The following LRRC8C variants were observed in gnomAD, a reference collection of about 807,000 sequenced individuals.
The protein encoded by LRRC8C is volume-regulated anion channel subunit LRRC8C.
A neutral mutation model predicts 55.3 loss-of-function variants in LRRC8C; 20 were observed. The ratio of observed to expected loss-of-function variants is 0.36; its 90% CI spans 0.25 to 0.53. The LOEUF (loss-of-function observed/expected upper bound fraction) is 0.53, where lower values mean the gene tolerates loss of function less well. Among genes scored for constraint, LRRC8C ranks in the 20% least tolerant of loss-of-function variants. LRRC8C has a pLI of 0.92. For synonymous variants in LRRC8C, 376 were observed against 360.7 expected (o/e 1.04, Z -0.48); for missense variants, 659 against 951.4 (o/e 0.69, Z 4.04).
rs552292686 is a variant in LRRC8C at position 89,638,660 on chromosome 1, C to T, written c.-5+5338C>T. On this transcript the variant is annotated intron_variant, in intron 1 of 2. Coordinates refer to ENST00000370454, the MANE Select transcript of LRRC8C (RefSeq NM_032270.5). Reference sequence around the variant, plus strand: ...TAAATTACTTTTTTTGCAAATAAAACATACTTTATTGACCCTTCAGCTGAA... The same window carrying T: ...TAAATTACTTTTTTTGCAAATAAAATATACTTTATTGACCCTTCAGCTGAA... 4.6e-5 allele frequency among the ~76,000 whole-genome samples: 7 copies of T among 152,152 alleles called. No individual in the cohort carries two copies. In the South Asian group the frequency reaches 1.0e-3, roughly 23 times the overall value.
chr1:89,704,292 A>T lies in LRRC8C; in HGVS notation c.139-8417A>T, dbSNP rs531619101. On this transcript the variant is annotated intron_variant, in intron 2 of 2. Transcript: ENST00000370454. ...AGAATGCCATGTAAAATCAGATAGT[A>T]TGTAACCTTTTGAGACTAACACACT... Among the ~76,000 whole-genome samples, 8 of 152,252 alleles carry T rather than the reference A, an allele frequency of 5.3e-5. No homozygotes were observed. In the East Asian group the frequency reaches 1.5e-3, roughly 29 times the overall value.
chr1:89,703,786 A>G (rs938080323), intron 2 of LRRC8C, among the ~76,000 whole-genome samples: 3 of 152,076 alleles, frequency 2.0e-5, no homozygotes, highest in Admixed American at 6.5e-5. Context: ...AAAAATGAGC[A>G]GTGCAGCAGA....
At chr1:89,644,830 T>A (rs1379583566) in intron 1 of LRRC8C, among the ~76,000 whole-genome samples, 1 of 152,228 alleles carries the variant, frequency 6.6e-6, no homozygotes, top group African/African-American at 2.4e-5. Context: ...GCAGGAAGCC[T>A]AAAATGCTTG....
At chr1:89,639,032 C>G (rs536171165) in intron 1 of LRRC8C, among the ~76,000 whole-genome samples, 7 of 114,814 alleles carry the variant, frequency 6.1e-5, no homozygotes, top group Admixed American at 1.9e-4. Context: ...TGTCTCCAGG[C>G]TGGAGTGCAG....
chr1:89,639,000 A>ATTTTATTTTATTTTATTTTATTTTATTT (rs1219055521), intron 1 of LRRC8C, among the ~76,000 whole-genome samples: 2 of 150,708 alleles, frequency 1.3e-5, no homozygotes, highest in Non-Finnish European at 3.0e-5. Flanking sequence ...ATTTTATTTG[A>ATTTTATTTTATTTTATTTTATTTTATTT]GACAGAGTTT....
At chr1:89,630,572 G>C (rs954946567), upstream of LRRC8C, among the ~76,000 whole-genome samples, 1 of 152,218 alleles carries the variant, frequency 6.6e-6, no homozygotes, top group African/African-American at 2.4e-5. Context: ...GACAGAGTCT[G>C]TGCACCCAGT....
intron 1 of LRRC8C, among the ~76,000 whole-genome samples, chr1:89,647,171 G>T (rs1268926138): frequency 2.0e-5 from 3 of 152,064 alleles, no homozygotes; most frequent in Non-Finnish European, 4.4e-5. Context: ...ATTATTTCTA[G>T]CCTCTCTTTC....
Position 89,642,777 on chromosome 1 carries a change from G to A in LRRC8C, c.-5+9455G>A, listed in dbSNP as rs566097260. On this transcript the variant is annotated intron_variant, in intron 1 of 2. Coordinates refer to ENST00000370454, the MANE Select transcript of LRRC8C (RefSeq NM_032270.5). ...GCAGAGAATTGCTTAAACCCGGGAG[G>A]TGGAGGTTGCAGTGAGCTGAGATCA... Among the ~76,000 whole-genome samples, 12 of 152,136 alleles carry A rather than the reference G, an allele frequency of 7.9e-5. No individual in the cohort carries two copies. The East Asian group carries it at 2.1e-3, about 27-fold the overall frequency.
intron 1 of LRRC8C, among the ~76,000 whole-genome samples, chr1:89,669,911 ATGTT>A (rs1197370139): frequency 6.6e-6 from 1 of 152,128 alleles, no homozygotes; most frequent in Non-Finnish European, 1.5e-5. Context: ...TCTATTTCTT[ATGTT>A]TGTTTCTTTT....
chr1:89,637,959 G>A (rs548397841), intron 1 of LRRC8C, among the ~76,000 whole-genome samples: 125 of 152,170 alleles, frequency 8.2e-4, no homozygotes, highest in African/African-American at 2.9e-3. Flanking sequence ...GTATCTAACC[G>A]AATGTTAATT....
intron 2 of LRRC8C, among the ~76,000 whole-genome samples, chr1:89,687,700 C>T (rs1280570436): frequency 6.6e-6 from 1 of 152,148 alleles, no homozygotes; most frequent in Non-Finnish European, 1.5e-5. Flanking sequence ...GCAGCCAACA[C>T]AACTAACTCA....
chr1:89,626,331 G>A, the LRRC8C span: 87,641 of 151,978 alleles, frequency 0.58, 25,996 homozygotes, highest in East Asian at 0.74. Flanking sequence ...CAATAATTCA[G>A]TTCTCCAATG....
chr1:89,654,351 C>T lies in LRRC8C; in HGVS notation c.-5+21029C>T, dbSNP rs140445428. ...TCAGGTGATGGTTACACTAAAATCC[C>T]AGACTTCACCACTACCCAGTATAGC... On this transcript the variant is annotated intron_variant, in intron 1 of 2. Transcript: ENST00000370454. 5.3e-5 allele frequency among the ~76,000 whole-genome samples: 8 copies of T among 152,232 alleles called. No homozygotes were observed. In the East Asian group the frequency reaches 1.5e-3, roughly 29 times the overall value.
At chr1:89,687,920 A>C (rs978665337) in intron 2 of LRRC8C, among the ~76,000 whole-genome samples, 6 of 152,206 alleles carry the variant, frequency 3.9e-5, no homozygotes, top group Non-Finnish European at 7.3e-5. Context: ...TGGCCTTAAA[A>C]ATAGTGAACA....
Position 89,714,871 on chromosome 1 carries a change from C to T in LRRC8C, c.2301C>T (p.Leu767=), listed in dbSNP as rs370250439. The T allele has an allele frequency of 1.2e-6, 2 of 1,614,044 alleles. No individual in the cohort carries two copies. The highest frequency in any genetic ancestry group is 2.7e-5 in the African/African-American group (2 of 74,932). Reference sequence around the variant, plus strand: ...TAAAAGGTAATCACTTTGAAATCCTCCCTCCTGAACTGGGTGACTGTCGGG... The same window carrying T: ...TAAAAGGTAATCACTTTGAAATCCTTCCTCCTGAACTGGGTGACTGTCGGG... The part of the protein sequence containing the change: ...LDVKGNHFEI[L]PPELGDCRAL... Residue 767 remains leucine, a synonymous_variant, in exon 3 of 3, where the codon CTC becomes CTT. Transcript: ENST00000370454. This position sits in a 1 kb window ranked among gnomAD's most constrained non-coding sequence, Gnocchi z 4.6.
At chr1:89,635,997 C>A (rs1656268670) in intron 1 of LRRC8C, among the ~76,000 whole-genome samples, 1 of 152,206 alleles carries the variant, frequency 6.6e-6, no homozygotes, top group Non-Finnish European at 1.5e-5. Flanking sequence ...TCCTTTTGAA[C>A]TATAAATCAT....
At chr1:89,658,908 T>A (rs1169750618) in intron 1 of LRRC8C, among the ~76,000 whole-genome samples, 1 of 152,122 alleles carries the variant, frequency 6.6e-6, no homozygotes, top group Non-Finnish European at 1.5e-5. Context: ...TAGGAGCCAC[T>A]GCTAATGGAA....
intron 1 of LRRC8C, among the ~76,000 whole-genome samples, chr1:89,656,776 T>C (rs1265143301): frequency 6.6e-6 from 1 of 152,234 alleles, no homozygotes; most frequent in Non-Finnish European, 1.5e-5. Context: ...TACAGTAAAT[T>C]GGATTTTTTA....
the LRRC8C span, among the ~76,000 whole-genome samples, chr1:89,616,204 C>A: frequency 1.3e-5 from 2 of 152,126 alleles, no homozygotes; most frequent in Non-Finnish European, 2.9e-5. Flanking sequence ...TTATTAATGA[C>A]AAACAGACAG....
Sources: gnomAD v4.1 joint callset for allele counts (sites outside exome capture counted in the v4.1 genomes callset) on GRCh38, gnomAD v4.1.1 for gene constraint, Gnocchi (gnomAD v3.1) non-coding constraint, MANE v1.5 for transcripts, NCBI Gene and HGNC (gene_info 2026-07-23, HGNC 2026-07-21) for gene names.